CES1: variants seen among roughly 807,000 people sequenced by gnomAD.
The protein encoded by CES1 is carboxylesterase 1.
In CES1, 50 loss-of-function variants were observed where a neutral mutation model predicts 53.0. The observed-to-expected ratio is 0.94, with a 90% CI of 0.75 to 1.19. The LOEUF is 1.19. Ranked by LOEUF, CES1 falls within the 50% of genes most tolerant of loss-of-function variation. CES1 has a pLI of 0.00. For missense variants in CES1, 534 were observed against 538.0 expected, an observed-to-expected ratio of 0.99 and a Z score of 0.07; for synonymous variants, 202 against 210.1, an observed-to-expected ratio of 0.96 and a Z score of 0.33.
At chr16:55,816,164 C>A (rs1482168751) in intron 8 of CES1, among the ~76,000 whole-genome samples, 1 of 152,282 alleles carries the variant, frequency 6.6e-6, no homozygotes, top group East Asian at 1.9e-4. Flanking sequence ...TAATGCTGCA[C>A]ACCATCAAAC....
intron 3 of CES1, among the ~76,000 whole-genome samples, chr16:55,825,335 G>A (rs1260653089): frequency 6.6e-6 from 1 of 152,176 alleles, no homozygotes; most frequent in African/African-American, 2.4e-5. Context: ...TGGGAGACTG[G>A]CTAGACACAA....
intron 2 of CES1, among the ~76,000 whole-genome samples, chr16:55,827,533 A>G (rs1441757423): frequency 6.6e-6 from 1 of 152,078 alleles, no homozygotes; most frequent in African/African-American, 2.4e-5. Context: ...TCAAACAAGA[A>G]ATATATACTC....
chr16:55,827,640 C>A (rs1443119329), intron 2 of CES1, among the ~76,000 whole-genome samples: 1 of 152,088 alleles, frequency 6.6e-6, no homozygotes, highest in African/African-American at 2.4e-5. Flanking sequence ...TTAAAAACAT[C>A]ATATATAACT....
chr16:55,810,387 T>C, intron 11 of CES1, 130 bp downstream of exon 11: 2 of 1,218,704 alleles, frequency 1.6e-6, no homozygotes, highest in South Asian at 1.2e-5. Flanking sequence ...CCTCATCCCA[T>C]GCCATATGGA....
chr16:55,809,693 C>T (rs1254436753), intron 11 of CES1, among the ~76,000 whole-genome samples: 2 of 152,206 alleles, frequency 1.3e-5, no homozygotes, highest in Non-Finnish European at 2.9e-5. Context: ...CTACAGACCA[C>T]CTCTCCCACA....
At chr16:55,826,801 C>G (rs1411589938) in intron 2 of CES1, among the ~76,000 whole-genome samples, 1 of 152,188 alleles carries the variant, frequency 6.6e-6, no homozygotes, top group African/African-American at 2.4e-5. Context: ...CTACCACCTG[C>G]CTCTCCCAGG....
intron 3 of CES1, among the ~76,000 whole-genome samples, chr16:55,824,238 C>G (rs1258600427): frequency 6.6e-6 from 1 of 151,498 alleles, no homozygotes; most frequent in African/African-American, 2.4e-5. Flanking sequence ...AGCCTAAAAC[C>G]CACCCACTTC....
intron 1 of CES1, 119 bp downstream of exon 1, chr16:55,832,885 C>T (rs565285201): frequency 9.2e-5 from 89 of 969,934 alleles, no homozygotes; most frequent in Non-Finnish European, 1.3e-4. Flanking sequence ...ATATGGAAGT[C>T]GTGCCCCGCC....
chr16:55,831,483 C>T (rs1216295700), intron 1 of CES1, among the ~76,000 whole-genome samples: 18 of 151,040 alleles, frequency 1.2e-4, no homozygotes, highest in Admixed American at 4.6e-4. Flanking sequence ...ATATGAAGCA[C>T]GAACATGGTG....
At position 55,817,945 on chromosome 16, in the gene CES1, G is replaced by T. The variant is rs151152660; in HGVS notation, c.907-983C>A. On this transcript the variant is annotated intron_variant, in intron 7 of 13. Transcript: ENST00000360526. ...GTCCTCTGATGCCACATGCAGAATT[G>T]CTGGAATATTTGCCTCCTTCCGGGC... Among the ~76,000 whole-genome samples, 198 of 152,298 alleles carry T rather than the reference G, an allele frequency of 1.3e-3. 3 individuals are homozygous for T. Among genetic ancestry groups the T allele is most frequent in the African/African-American group, 4.5e-3 (188 of 41,562 alleles).
intron 11 of CES1, among the ~76,000 whole-genome samples, chr16:55,810,118 A>G (rs2031621696): frequency 6.6e-6 from 1 of 151,974 alleles, no homozygotes; most frequent in Non-Finnish European, 1.5e-5. Flanking sequence ...CTGGTGAATA[A>G]ATACCCGGCT....
At position 55,826,185 on chromosome 16, in the gene CES1, G is replaced by A. The variant is rs781063807; in HGVS notation, c.371C>T (p.Thr124Ile). Residue 124 changes from threonine (T) to isoleucine (I), a missense_variant, in exon 3 of 14, where the codon ACT becomes ATT. Thr to Ile is a moderately conservative substitution (Grantham distance 89, BLOSUM62 -1). This residue lies in a region of CES1 where 164 missense variants were observed against 162.4 expected (regional missense o/e 1.01). Coordinates refer to ENST00000360526, the MANE Select transcript of CES1 (RefSeq NM_001025195.2). ...GTTTTTCTTGGTCAAGTCAGCAGGA[G>A]TGTAAATATTGAGGTAAAGACAGTC... ...SEDCLYLNIY[T>I]PADLTKKNRL... 3 of 1,613,990 alleles carry A rather than the reference G, an allele frequency of 1.9e-6. No individual in the cohort carries two copies. Among genetic ancestry groups the A allele is most frequent in the East Asian group, 2.2e-5 (1 of 44,890 alleles).
At chr16:55,830,819 A>AAGGAAGGCAGGAAGGCAGGCAGGC (rs1454708070) in intron 1 of CES1, among the ~76,000 whole-genome samples, 1 of 127,288 alleles carries the variant, frequency 7.9e-6, no homozygotes, top group African/African-American at 3.5e-5. Context: ...GGAAGGAAGG[A>AAGGAAGGCAGGAAGGCAGGCAGGC]AGGCAGGCAG....
At chr16:55,811,151 G>A (rs191022072) in intron 9 of CES1, 141 bp from the exon 10 acceptor site, 2,242 of 706,026 alleles carry the variant, frequency 3.2e-3, no homozygotes, top group Non-Finnish European at 3.2e-3. Flanking sequence ...TTACTGAAAT[G>A]GGTGAAATCA....
Position 55,826,176 on chromosome 16 carries a change from T to C in CES1, c.380A>G (p.Asp127Gly). ...CLYLNIYTPA[D>G]LTKKNRLPVM... The stretch of plus-strand genomic sequence containing the variant: ...CGGCAGCCTGTTTTTCTTGGTCAAG[T>C]CAGCAGGAGTGTAAATATTGAGGTA... The change falls in exon 3 of 14, where the codon GAC becomes GGC. Residue 127 changes from aspartate (D) to glycine (G), a missense_variant. Physicochemically the swap from Asp to Gly is moderately conservative, Grantham distance 94. Around this residue, in one of 5 missense-constraint regions of CES1, gnomAD observed 164 missense variants for 162.4 expected, o/e 1.01. Coordinates refer to ENST00000360526, the MANE Select transcript of CES1 (RefSeq NM_001025195.2). 6.2e-7 allele frequency: 1 copy of C among 1,613,928 alleles called. No individual in the cohort carries two copies. The highest frequency in any genetic ancestry group is 2.2e-5 in the East Asian group (1 of 44,882).
chr16:55,810,263 A>C (rs2031627717), intron 11 of CES1, among the ~76,000 whole-genome samples: 2 of 151,176 alleles, frequency 1.3e-5, no homozygotes, highest in South Asian at 4.2e-4. Context: ...TTCCTCTCTC[A>C]CTTCCCCACC....
chr16:55,830,597 G>T (rs1410862296), intron 1 of CES1, among the ~76,000 whole-genome samples: 16 of 152,090 alleles, frequency 1.1e-4, no homozygotes, highest in African/African-American at 3.9e-4. Context: ...GAGGTCAGGA[G>T]TTCAAGACCA....
intron 1 of CES1, among the ~76,000 whole-genome samples, chr16:55,831,926 C>G (rs2032697184): frequency 6.6e-6 from 1 of 151,970 alleles, no homozygotes; most frequent in African/African-American, 2.4e-5. Flanking sequence ...CTGCACCCCT[C>G]TATGTACCAT....
At chr16:55,815,352 A>G (rs1371212894) in intron 8 of CES1, among the ~76,000 whole-genome samples, 27 of 152,196 alleles carry the variant, frequency 1.8e-4, no homozygotes. Flanking sequence ...AATTCTGTTA[A>G]GGAAGGCCAG....
Sources: gnomAD v4.1 joint callset for allele counts (sites outside exome capture counted in the v4.1 genomes callset) on GRCh38, gnomAD v4.1.1 for gene constraint, gnomAD v4.1.1 regional missense constraint, MANE v1.5 for transcripts, NCBI Gene and HGNC (gene_info 2026-07-23, HGNC 2026-07-21) for gene names.